The following EXD1 variants were observed in gnomAD, a reference collection of about 807,000 sequenced individuals.
The protein encoded by EXD1 is exonuclease 3'-5' domain containing 1.
In EXD1, 63 loss-of-function variants were observed where a neutral mutation model predicts 49.1. The observed-to-expected ratio is 1.28, with a 90% confidence interval of 1.05 to 1.58. The LOEUF (loss-of-function observed/expected upper bound fraction) is 1.58. EXD1 is among the 40% of genes most tolerant of loss of function. The pLI is 0.00. For synonymous variants in EXD1, 234 were observed against 239.2 expected, an observed-to-expected ratio of 0.98 and a Z score of 0.20; for missense variants, 748 against 666.0, an observed-to-expected ratio of 1.12 and a Z score of -1.36.
At chr15:41,203,016 C>T (rs1405419533) in intron 7 of EXD1, among the ~76,000 whole-genome samples, 1 of 151,524 alleles carries the variant, frequency 6.6e-6, no homozygotes, top group Non-Finnish European at 1.5e-5. Context: ...AAATAATTAT[C>T]TGCTGTACTA....
intron 6 of EXD1, among the ~76,000 whole-genome samples, chr15:41,214,339 C>T (rs1428549714): frequency 1.3e-5 from 2 of 151,810 alleles, no homozygotes; most frequent in Non-Finnish European, 2.9e-5. Flanking sequence ...GGCAAAACCC[C>T]ATCTCTACTA....
chr15:41,200,190 G>A (rs1420842527), intron 7 of EXD1, among the ~76,000 whole-genome samples: 4 of 151,978 alleles, frequency 2.6e-5, no homozygotes, highest in African/African-American at 4.8e-5. Flanking sequence ...AAGTACATGT[G>A]TGAGCCACCA....
intron 1 of EXD1, among the ~76,000 whole-genome samples, chr15:41,227,216 C>T (rs2047175990): frequency 6.6e-6 from 1 of 152,170 alleles, no homozygotes; most frequent in Non-Finnish European, 1.5e-5. Context: ...ACTTTTCTTT[C>T]AACTTGTGTT....
At chr15:41,196,063 T>C in intron 7 of EXD1, 26 bp from the exon 8 acceptor site, 1 of 1,539,412 alleles carries the variant, frequency 6.5e-7, no homozygotes, top group Non-Finnish European at 8.8e-7. Context: ...CAGACACACA[T>C]ACCATAGGAT....
chr15:41,208,918 A>G (rs982119480), intron 7 of EXD1, among the ~76,000 whole-genome samples: 5 of 152,128 alleles, frequency 3.3e-5, no homozygotes, highest in Non-Finnish European at 7.3e-5. Flanking sequence ...GAACTGGGAA[A>G]GACCTCCAGC....
chr15:41,206,756 G>C (rs527561419), intron 7 of EXD1, among the ~76,000 whole-genome samples: 2 of 148,392 alleles, frequency 1.3e-5, no homozygotes, highest in African/African-American at 4.9e-5. Flanking sequence ...TTAGTAGCTA[G>C]GATTATAGGC....
chr15:41,209,547 G>A lies in EXD1; in HGVS notation c.488C>T (p.Ala163Val). The change falls in exon 7 of 12, where the codon GCA (alanine) becomes GTA (valine). Residue 163 changes from alanine (A) to valine (V), a missense_variant. Physicochemically the swap from Ala to Val is moderately conservative, Grantham distance 64. Transcript: ENST00000458580. ...ATGGCGACATACATTCGCTCCTTCT[G>A]CTGCCACACTCAGGACATTCTGCTT... ...IKKQNVLSVA[A>V]EGANVCRHGK... The A allele has an allele frequency of 5.0e-6, 8 of 1,614,158 alleles. No homozygotes were observed. The highest frequency in any genetic ancestry group is 6.8e-6 in the Non-Finnish European group (8 of 1,180,036).
chr15:41,220,268 C>T (rs534685773), intron 2 of EXD1, among the ~76,000 whole-genome samples: 2 of 151,774 alleles, frequency 1.3e-5, no homozygotes, highest in South Asian at 4.2e-4. Context: ...TAAGGGCAGC[C>T]TGCAACTTTT....
chr15:41,184,658 C>G, intron 11 of EXD1, 65 bp from the exon 12 acceptor site: 1 of 1,259,996 alleles, frequency 7.9e-7, no homozygotes, highest in Non-Finnish European at 1.0e-6. Flanking sequence ...CTTAAAATCA[C>G]TTTTTTTTTT....
chr15:41,214,809 G>A (rs951224561), intron 6 of EXD1, among the ~76,000 whole-genome samples: 2 of 151,588 alleles, frequency 1.3e-5, no homozygotes, highest in Non-Finnish European at 1.5e-5. Flanking sequence ...GCAGTGGCAC[G>A]ATCTCGGCTC....
chr15:41,210,445 A>G (rs554149564), intron 6 of EXD1, among the ~76,000 whole-genome samples: 1 of 152,192 alleles, frequency 6.6e-6, no homozygotes, highest in Non-Finnish European at 1.5e-5. Flanking sequence ...TAATCCCAGC[A>G]CTTTGGGAGG....
chr15:41,213,593 G>GT (rs2046955465), intron 6 of EXD1, among the ~76,000 whole-genome samples: 1 of 151,834 alleles, frequency 6.6e-6, no homozygotes, highest in Admixed American at 6.6e-5. Context: ...TCGGCTCACT[G>GT]TACCCTCCAC....
intron 9 of EXD1, among the ~76,000 whole-genome samples, chr15:41,192,884 C>G (rs755224899): frequency 2.7e-5 from 4 of 150,576 alleles, no homozygotes; most frequent in Non-Finnish European, 5.9e-5. Flanking sequence ...CAAGCTCCGC[C>G]TCCCGGGTTC....
intron 10 of EXD1, among the ~76,000 whole-genome samples, chr15:41,191,185 C>T (rs1234986362): frequency 6.6e-6 from 1 of 152,144 alleles, no homozygotes; most frequent in East Asian, 1.9e-4. Context: ...CTCAGCCTCC[C>T]AAAGTGTTGG....
chr15:41,189,560 G>A (rs1348474198), intron 11 of EXD1, among the ~76,000 whole-genome samples: 3 of 151,790 alleles, frequency 2.0e-5, no homozygotes, highest in African/African-American at 7.3e-5. Flanking sequence ...TTACTCAGGA[G>A]GCTGAGGCAG....
intron 7 of EXD1, among the ~76,000 whole-genome samples, chr15:41,209,172 C>A (rs994956435): frequency 1.3e-5 from 2 of 152,074 alleles, no homozygotes; most frequent in Non-Finnish European, 2.9e-5. Context: ...CCCTGTAATC[C>A]CAGTGACTAG....
intron 7 of EXD1, among the ~76,000 whole-genome samples, chr15:41,206,811 G>A (rs936604221): frequency 1.4e-4 from 21 of 148,950 alleles, no homozygotes; most frequent in Admixed American, 1.1e-3. Context: ...TAGTAGAGGC[G>A]GGGTTTCACC....
chr15:41,203,940 A>AAAAAAAAC (rs2046776535), intron 7 of EXD1, among the ~76,000 whole-genome samples: 1 of 147,308 alleles, frequency 6.8e-6, no homozygotes, highest in Non-Finnish European at 1.5e-5. Flanking sequence ...AAAAAAAAAA[A>AAAAAAAAC]AAAACCCTAA....
intron 7 of EXD1, among the ~76,000 whole-genome samples, chr15:41,199,339 C>T (rs1176202637): frequency 3.3e-5 from 5 of 151,252 alleles, no homozygotes; most frequent in Non-Finnish European, 5.9e-5. Context: ...CCACCCGTCT[C>T]AGCCTCTCAA....
Sources: allele counts gnomAD v4.1 joint callset (sites outside exome capture counted in the v4.1 genomes callset), GRCh38; gene constraint gnomAD v4.1.1; transcripts MANE v1.5; gene names NCBI Gene and HGNC (gene_info 2026-07-23, HGNC 2026-07-21).